The following CCDC3 variants were observed in gnomAD, a reference collection of about 807,000 sequenced individuals.
CCDC3 encodes the protein coiled-coil domain containing 3.
In CCDC3, 24 loss-of-function variants were observed where a neutral mutation model predicts 21.4. That is an observed-to-expected ratio of 1.12 (90% CI 0.81 to 1.58). The LOEUF (loss-of-function observed/expected upper bound fraction) is 1.58. CCDC3 is among the 40% of genes most tolerant of loss of function. The probability of loss-of-function intolerance (pLI) is 0.00; values close to 1 mark genes in which losing one functional copy is unlikely to be tolerated. For synonymous variants in CCDC3, 186 were observed against 166.0 expected (o/e 1.12, Z -0.93); for missense variants, 425 against 360.9 (o/e 1.18, Z -1.44).
intron 2 of CCDC3, among the ~76,000 whole-genome samples, chr10:12,906,055 A>C (rs534900407): frequency 6.6e-6 from 1 of 152,294 alleles, no homozygotes; most frequent in South Asian, 2.1e-4. Flanking sequence ...TTGTTCTCCC[A>C]TTCTTTAAAA....
intron 2 of CCDC3, among the ~76,000 whole-genome samples, chr10:12,946,029 G>C (rs560964049): frequency 4.6e-5 from 7 of 152,280 alleles, no homozygotes; most frequent in African/African-American, 1.4e-4. Flanking sequence ...CAGTCTGTTA[G>C]TACTATCCTC....
intron 4 of CCDC3, among the ~76,000 whole-genome samples, chr10:13,050,956 T>A (rs988690480): frequency 5.8e-4 from 88 of 152,038 alleles, no homozygotes; most frequent in African/African-American, 2.0e-3. Context: ...CCGGCTAATT[T>A]AAAAAAATTT....
intron 2 of CCDC3, among the ~76,000 whole-genome samples, chr10:12,968,190 A>AAC (rs111413360): frequency 2.7e-5 from 2 of 75,290 alleles, no homozygotes; most frequent in Admixed American, 1.4e-4. Context: ...AGAAAATACA[A>AAC]ACACACACAC....
intron 3 of CCDC3, among the ~76,000 whole-genome samples, chr10:13,088,359 T>G (rs1236039580): frequency 2.0e-5 from 3 of 152,080 alleles, no homozygotes; most frequent in African/African-American, 7.2e-5. Context: ...ACTCTTAGAA[T>G]AAATGAAAAG....
intron 5 of CCDC3, among the ~76,000 whole-genome samples, chr10:13,036,941 A>G (rs1266444346): frequency 6.6e-6 from 1 of 151,928 alleles, no homozygotes; most frequent in African/African-American, 2.4e-5. Flanking sequence ...CACCATGCCC[A>G]GCTGATTTTC....
At chr10:13,042,113 A>C (rs1836465572) in intron 5 of CCDC3, among the ~76,000 whole-genome samples, 1 of 152,232 alleles carries the variant, frequency 6.6e-6, no homozygotes, top group Non-Finnish European at 1.5e-5. Flanking sequence ...GAAGACCAAT[A>C]GCCTGGATCC....
Position 12,897,856 on chromosome 10 carries a change from G to T in CCDC3, c.*560C>A, listed in dbSNP as rs966206078. 1 of 152,866 alleles carries T rather than the reference G, an allele frequency of 6.5e-6. No individual in the cohort carries two copies. Among genetic ancestry groups the T allele is most frequent in the African/African-American group, 2.4e-5 (1 of 41,446 alleles). The allele number at this position is 152,866 out of a possible 1,614,324, so 9.5% of individuals were successfully genotyped here. ...GCTTATGAAGTCTTCACCTGCCTCA[G>T]CTGGAAGGAAAATGCTGGCTGGATA... is the stretch of plus-strand genomic sequence containing the variant. On this transcript the variant is annotated 3_prime_UTR_variant, in exon 3 of 3. Coordinates refer to ENST00000378825, the MANE Select transcript of CCDC3 (RefSeq NM_031455.4).
At chr10:12,915,931 G>T (rs1225711795) in intron 2 of CCDC3, among the ~76,000 whole-genome samples, 1 of 152,090 alleles carries the variant, frequency 6.6e-6, no homozygotes, top group African/African-American at 2.4e-5. Flanking sequence ...TCTGCAGGGT[G>T]GACCTGGGGC....
intron 5 of CCDC3, among the ~76,000 whole-genome samples, chr10:13,034,894 C>T (rs1420349679): frequency 1.3e-5 from 2 of 151,950 alleles, no homozygotes; most frequent in African/African-American, 2.4e-5. Context: ...GGCATGTTGG[C>T]GGATGCCTGT....
intron 2 of CCDC3, among the ~76,000 whole-genome samples, chr10:12,986,772 CAAAAAAAAAAAACA>C (rs1835602491): frequency 1.3e-5 from 1 of 75,456 alleles, no homozygotes; most frequent in African/African-American, 4.1e-5. Flanking sequence ...GACTCCGTCT[CAAAAAAAAAAAACA>C]AAAAAACAAA....
At position 12,898,347 on chromosome 10, in the gene CCDC3, G is replaced by T; in HGVS notation, c.*69C>A. ...CTTACAACCCTTGAAATAGCTGCATGTACGAAACCTCACTCATTCTCAATT... is the reference window on the plus strand; with the variant it reads ...CTTACAACCCTTGAAATAGCTGCATTTACGAAACCTCACTCATTCTCAATT... On this transcript the variant is annotated 3_prime_UTR_variant, in exon 3 of 3. Transcript: ENST00000378825. 5 of 1,446,838 alleles carry T rather than the reference G, an allele frequency of 3.5e-6. No homozygotes were observed. Among genetic ancestry groups the T allele is most frequent in the Non-Finnish European group, 3.7e-6 (4 of 1,073,690 alleles). 89.6% of individuals were successfully genotyped at this position (1,446,838 alleles called of 1,614,324 possible).
At chr10:12,913,697 G>C (rs1013736844) in intron 2 of CCDC3, among the ~76,000 whole-genome samples, 4 of 152,232 alleles carry the variant, frequency 2.6e-5, no homozygotes, top group African/African-American at 9.6e-5. Context: ...TCACCACGGA[G>C]TATGATGTTA....
chr10:12,922,850 C>T (rs1486152698), intron 2 of CCDC3, among the ~76,000 whole-genome samples: 1 of 152,176 alleles, frequency 6.6e-6, no homozygotes, highest in Non-Finnish European at 1.5e-5. Flanking sequence ...GAAAGAGATG[C>T]TTCCCCAAAT....
At chr10:13,020,814 TCATCTTA>T (rs1836135747) in intron 5 of CCDC3, among the ~76,000 whole-genome samples, 1 of 152,232 alleles carries the variant, frequency 6.6e-6, no homozygotes, top group East Asian at 1.9e-4. Context: ...GCCAAGAGAT[TCATCTTA>T]CAATGACTAT....
At chr10:12,932,055 C>A (rs1306714892) in intron 2 of CCDC3, among the ~76,000 whole-genome samples, 1 of 152,230 alleles carries the variant, frequency 6.6e-6, no homozygotes, top group Non-Finnish European at 1.5e-5. Context: ...GTCTTCCTAT[C>A]CATAAACAAA....
intron 5 of CCDC3, among the ~76,000 whole-genome samples, chr10:13,038,249 T>C (rs1041796955): frequency 4.6e-5 from 7 of 151,812 alleles, no homozygotes; most frequent in Non-Finnish European, 8.8e-5. Context: ...GAAGAGTAGT[T>C]AATGGATTCC....
chr10:12,923,755 C>T (rs1047376092), intron 2 of CCDC3, among the ~76,000 whole-genome samples: 2 of 152,222 alleles, frequency 1.3e-5, no homozygotes, highest in African/African-American at 4.8e-5. Flanking sequence ...GACCCGTCTC[C>T]ATGCCTGGAA....
Position 12,908,881 on chromosome 10 carries a change from G to A in CCDC3, c.550-10202C>T, listed in dbSNP as rs72775679. ...GCTTGGGTTTACAGGTGTGGACCAC[G>A]GCGCCTGGCCAGAACTGTGATTTCT... On this transcript the variant is annotated intron_variant, in intron 2 of 2. Coordinates refer to ENST00000378825, the MANE Select transcript of CCDC3 (RefSeq NM_031455.4). Among the ~76,000 whole-genome samples the A allele has an allele frequency of 5.9e-3, 895 of 152,244 alleles. 4 individuals are homozygous for A. The highest frequency in any genetic ancestry group is 0.014 in the Middle Eastern group (4 of 294).
intron 2 of CCDC3, among the ~76,000 whole-genome samples, chr10:12,905,198 T>C (rs527413014): frequency 6.6e-6 from 1 of 152,294 alleles, no homozygotes; most frequent in Admixed American, 6.5e-5. Context: ...CCCAGAGCAG[T>C]GATCAGGAAA....
Sources: gnomAD v4.1 joint callset for allele counts (sites outside exome capture counted in the v4.1 genomes callset) on GRCh38, gnomAD v4.1.1 for gene constraint, MANE v1.5 for transcripts, NCBI Gene and HGNC (gene_info 2026-07-23, HGNC 2026-07-21) for gene names.